Variants in SEMA3G observed in about 807,000 individuals in gnomAD.
SEMA3G encodes the protein semaphorin 3G, also known as semaphorin-3G.
A neutral mutation model predicts 86.2 loss-of-function variants in SEMA3G; 70 were observed. The observed-to-expected ratio is 0.81, with a 90% CI of 0.67 to 0.99. The LOEUF (loss-of-function observed/expected upper bound fraction) is 0.99, where lower values mean the gene tolerates loss of function less well. Ranked by LOEUF, SEMA3G falls within the 50% of genes least tolerant of loss-of-function variation. The pLI, the probability that SEMA3G is intolerant of heterozygous loss-of-function variation, is 0.00. For missense variants in SEMA3G, 1,002 were observed against 1,072.4 expected, an observed-to-expected ratio of 0.93 and a Z score of 0.92; for synonymous variants, 416 against 441.4, an observed-to-expected ratio of 0.94 and a Z score of 0.72.
At chr3:52,443,165 A>C in intron 1 of SEMA3G, 1 of 808,198 alleles carries the variant, frequency 1.2e-6, no homozygotes, top group Non-Finnish European at 2.0e-6. Flanking sequence ...GCCCTTCATC[A>C]TGCAGCTAAC....
chr3:52,434,093 GCTTTTTAT>G lies in SEMA3G; in HGVS notation c.*1502_*1509del, dbSNP rs1706000243. 1 of 152,090 alleles carries G rather than the reference GCTTTTTAT, an allele frequency of 6.6e-6. No individual in the cohort carries two copies. The highest frequency in any genetic ancestry group is 2.4e-5 in the African/African-American group (1 of 41,384). 9.4% of individuals were successfully genotyped at this position (152,090 alleles called of 1,614,324 possible). On this transcript the variant is annotated 3_prime_UTR_variant, in exon 16 of 16. Coordinates refer to ENST00000231721, the MANE Select transcript of SEMA3G (RefSeq NM_020163.3). The surrounding 1 kb of genome is among the most constrained non-coding windows in gnomAD (Gnocchi z 5.2). ...TCAATAGGGCAGGGAACCCTGGCTT[GCTTTTTAT>G]CTTTTTTTCCCCTCCTTTCTTTGTC...
rs1706039826 is a variant in SEMA3G, at chr3:52,435,908, G to A, written c.2044C>T (p.Leu682=). 3.1e-6 allele frequency: 5 copies of A among 1,613,908 alleles called. No homozygotes were observed. Among genetic ancestry groups the A allele is most frequent in the Non-Finnish European group, 4.2e-6 (5 of 1,180,034 alleles). The stretch of plus-strand genomic sequence containing the variant: ...TCTGGCTTTGGCTCCGGAGGGAACA[G>A]GTTGTCCAGCTGTGAGGCCACAATC... ...VVIVASQLDN[L]FPPEPKPEEP... The change falls in exon 16 of 16, where the codon CTG becomes TTG. Residue 682 remains leucine, a synonymous_variant. Coordinates refer to ENST00000231721, the MANE Select transcript of SEMA3G (RefSeq NM_020163.3).
chr3:52,436,225 A>C, intron 15 of SEMA3G, 152 bp from the exon 16 acceptor site: 2 of 1,405,104 alleles, frequency 1.4e-6, no homozygotes, highest in Non-Finnish European at 1.9e-6. Context: ...GCAGCGTGGC[A>C]GTCTGGGCCT....
rs537880373 is a variant in SEMA3G, at chr3:52,438,188, G to C, written c.1521C>G (p.Tyr507Ter). 9 of 1,612,860 alleles carry C rather than the reference G, an allele frequency of 5.6e-6. 1 individual carries two copies. The South Asian group carries it at 9.9e-5, about 18-fold the overall frequency. ...GGGCCACACCCAGCCGAGAGCCCAC[G>C]TATAGCATTTGCTGGGGAGGGACAG... ...MEISVKRQMLYVGSRLGVAQL... is the reference protein window; with the variant it reads ...MEISVKRQML The change falls in exon 14 of 16, where the codon TAC (tyrosine) becomes TAG (stop). Residue 507 changes from tyrosine to a stop codon, truncating the protein, a stop_gained. Coordinates refer to ENST00000231721, the MANE Select transcript of SEMA3G (RefSeq NM_020163.3). LOFTEE classifies it high-confidence loss of function.
intron 14 of SEMA3G, 71 bp from the exon 15 acceptor site, chr3:52,437,737 C>CCACTAGTATG: frequency 1.3e-6 from 2 of 1,525,708 alleles, no homozygotes; most frequent in Non-Finnish European, 1.8e-6. Flanking sequence ...CACCTGACAC[C>CCACTAGTATG]ACAGCTCAGG....
chr3:52,444,715 GCACACAAA>G (rs1706229623), intron 1 of SEMA3G, among the ~76,000 whole-genome samples, 190 bp downstream of exon 1: 2 of 9,976 alleles, frequency 2.0e-4, no homozygotes, highest in South Asian at 3.8e-3. Flanking sequence ...CTCGGCACAC[GCACACAAA>G]CACGGCACAC....
Position 52,440,045 on chromosome 3 carries a change from G to C in SEMA3G, c.1197C>G (p.Asp399Glu), listed in dbSNP as rs1706117940. 1.2e-6 allele frequency: 2 copies of C among 1,605,170 alleles called. No homozygotes were observed. Among genetic ancestry groups the C allele is most frequent in the Non-Finnish European group, 1.7e-6 (2 of 1,173,504 alleles). ...QPGRPFGSTKDYPDEVLQFAR... is the reference protein window; with the variant it reads ...QPGRPFGSTKEYPDEVLQFAR... The stretch of plus-strand genomic sequence containing the variant: ...CAAACTGCAGCACCTCATCTGGGTA[G>C]TCCTTGGTGCTGCCAAAAGGCCGTC... Residue 399 changes from aspartate (D) to glutamate (E), a missense_variant, in exon 11 of 16, where the codon GAC (aspartate) becomes GAG (glutamate). Physicochemically the swap from Asp to Glu is conservative, Grantham distance 45. Coordinates refer to ENST00000231721, the MANE Select transcript of SEMA3G (RefSeq NM_020163.3).
In SEMA3G at chr3:52,439,715, C is replaced by T; in HGVS notation, c.1432G>A (p.Glu478Lys). The T allele has an allele frequency of 6.2e-7, 1 of 1,614,044 alleles. No homozygotes were observed. The highest frequency in any genetic ancestry group is 2.2e-5 in the East Asian group (1 of 44,858). ...ALQAGGSAEPEEVVLEELQVF... is the reference protein window; with the variant it reads ...ALQAGGSAEPKEVVLEELQVF... ...TGGAGCTCCTCCAGAACCACTTCCT[C>T]AGGTTCAGCTGAGCCCCCTGCCTGG... Residue 478 changes from glutamate to lysine, a missense_variant, in exon 12 of 16, where the codon GAG (glutamate) becomes AAG (lysine). By Grantham distance (56) the Glu-to-Lys change is moderately conservative (BLOSUM62 1). Transcript: ENST00000231721.
At position 52,442,595 on chromosome 3, in the gene SEMA3G, C is replaced by T. The variant is rs769099931; in HGVS notation, c.303G>A (p.Gln101=). 5 of 1,614,170 alleles carry T rather than the reference C, an allele frequency of 3.1e-6. No homozygotes were observed. The highest frequency in any genetic ancestry group is 1.3e-5 in the African/African-American group (1 of 75,056). ...TTCCCTTTCGAACACACTCCTCCCT[C>T]TGTCCTGGCTGCGGTGGCCACAGGA... is the stretch of plus-strand genomic sequence containing the variant. ...REVLWPPQPG[Q]REECVRKGRD... is the part of the protein sequence containing the mutation. The change falls in exon 3 of 16, where the codon CAG becomes CAA. Residue 101 remains glutamine, a synonymous_variant. Coordinates refer to ENST00000231721, the MANE Select transcript of SEMA3G (RefSeq NM_020163.3). The surrounding 1 kb of genome is among the most constrained non-coding windows in gnomAD (Gnocchi z 6.1).
In SEMA3G at chr3:52,437,978, G is replaced by C; in HGVS notation, c.1731C>G (p.Ser577Arg). The C allele has an allele frequency of 6.2e-7, 1 of 1,611,986 alleles. No homozygotes were observed. The highest frequency in any genetic ancestry group is 8.5e-7 in the Non-Finnish European group (1 of 1,179,688). The change falls in exon 14 of 16, where the codon AGC becomes AGG. Residue 577 changes from serine to arginine, a missense_variant. Physicochemically the swap from Ser to Arg is moderately radical, Grantham distance 110 (BLOSUM62 -1). Transcript: ENST00000231721. ...CCACCTGCCACCACTCACCTTCCTG[G>C]CTCTGGCCCAGGCACTGCAGGGCAG... ...GNPALQCLGQ[S>R]QEEEAVGLVA...
intron 1 of SEMA3G, 74 bp downstream of exon 1, chr3:52,444,839 C>T: frequency 8.8e-7 from 1 of 1,140,332 alleles, no homozygotes; most frequent in Non-Finnish European, 1.1e-6. Flanking sequence ...ACAAACACGG[C>T]ACATGCACCC....
At position 52,442,388 on chromosome 3, in the gene SEMA3G, C is replaced by A; in HGVS notation, c.340-84G>T. On this transcript the variant is annotated intron_variant, in intron 3 of 15. Coordinates refer to ENST00000231721, the MANE Select transcript of SEMA3G (RefSeq NM_020163.3). This position sits in a 1 kb window ranked among gnomAD's most constrained non-coding sequence, Gnocchi z 6.1. ...GGGCCCAAGGCTCAGCCCTGTCTGG[C>A]GGTCAGCTCTGGGGAGGGGGGTGGG... 1 of 1,387,626 alleles carries A rather than the reference C, an allele frequency of 7.2e-7. No homozygotes were observed. The highest frequency in any genetic ancestry group is 1.0e-6 in the Non-Finnish European group (1 of 1,001,694). 86.0% of individuals were successfully genotyped at this position (1,387,626 alleles called of 1,614,324 possible).
chr3:52,438,699 A>C, intron 13 of SEMA3G: 1 of 985,488 alleles, frequency 1.0e-6, no homozygotes, highest in Non-Finnish European at 1.2e-6. Flanking sequence ...TCCCTTAGGA[A>C]CTGGCCTTTG....
At chr3:52,438,590 G>A (rs748628651) in intron 13 of SEMA3G, 9 of 985,364 alleles carry the variant, frequency 9.1e-6, no homozygotes, top group African/African-American at 1.7e-5. Context: ...ATAAATATGG[G>A]GAGACGGGTT....
At chr3:52,440,858 A>T (rs779428268) in intron 8 of SEMA3G, 35 bp from the exon 9 acceptor site, 1 of 1,604,108 alleles carries the variant, frequency 6.2e-7, no homozygotes, top group South Asian at 1.1e-5. Flanking sequence ...TGTCATGGCC[A>T]CCGCCAATGC....
chr3:52,440,361 C>A lies in SEMA3G; in HGVS notation c.1143+16G>T. On this transcript the variant is annotated intron_variant, in intron 10 of 15. Transcript: ENST00000231721. Reference sequence around the variant, plus strand: ...TCAGGCCTCGCTTCCCTGGCCTGGCCCCAGCAGATACTCACCACGCCAGGG... The same window carrying A: ...TCAGGCCTCGCTTCCCTGGCCTGGCACCAGCAGATACTCACCACGCCAGGG... 6.3e-7 allele frequency: 1 copy of A among 1,583,648 alleles called. No homozygotes were observed. Among genetic ancestry groups the A allele is most frequent in the Admixed American group, 1.8e-5 (1 of 55,524 alleles).
intron 12 of SEMA3G, 48 bp from the exon 13 acceptor site, chr3:52,439,009 GC>G (rs1706098168): frequency 6.3e-7 from 1 of 1,591,890 alleles, no homozygotes; most frequent in African/African-American, 1.3e-5. Flanking sequence ...ACCAAGACCT[GC>G]CCCTGCACCC....
intron 13 of SEMA3G, 102 bp from the exon 14 acceptor site, chr3:52,438,301 G>A (rs1706087474): frequency 7.1e-7 from 1 of 1,417,298 alleles, no homozygotes; most frequent in Non-Finnish European, 9.7e-7. Context: ...CCACTTGCAG[G>A]AAGTCTTCCA....
In SEMA3G at chr3:52,435,475, CAG is replaced by C; in HGVS notation, c.*126_*127del. 1.2e-6 allele frequency: 1 copy of C among 861,852 alleles called. No homozygotes were observed. The highest frequency in any genetic ancestry group is 1.8e-6 in the Non-Finnish European group (1 of 555,390). The allele number at this position is 861,852 out of a possible 1,614,324, so 53.4% of individuals were successfully genotyped here. A position where few individuals can be genotyped will look rare whatever the true frequency, so the allele number is the denominator to read the frequency against. On this transcript the variant is annotated 3_prime_UTR_variant, in exon 16 of 16. Coordinates refer to ENST00000231721, the MANE Select transcript of SEMA3G (RefSeq NM_020163.3). ...TTAGACCCCAGTAGCGGTGTGGGGG[CAG>C]AGACACCTGTCTCTAAGAGGCAAAC...
Sources: allele counts gnomAD v4.1 joint callset (sites outside exome capture counted in the v4.1 genomes callset), GRCh38; gene constraint gnomAD v4.1.1; non-coding constraint Gnocchi (gnomAD v3.1); transcripts MANE v1.5; gene names NCBI Gene and HGNC (gene_info 2026-07-23, HGNC 2026-07-21).